TRIM2: variants seen among roughly 807,000 people sequenced by gnomAD.
The protein encoded by TRIM2 is tripartite motif containing 2, also known as tripartite motif-containing protein 2.
Under a neutral mutation model 75.2 loss-of-function variants are expected in TRIM2, and 20 were observed. The ratio of observed to expected loss-of-function variants is 0.27; its 90% CI spans 0.19 to 0.39. TRIM2 has a LOEUF of 0.39. TRIM2 is among the 10% of genes least tolerant of loss of function. The pLI, the probability that TRIM2 is intolerant of heterozygous loss-of-function variation, is 1.00. For synonymous variants in TRIM2, 373 were observed against 388.3 expected (o/e 0.96, Z 0.46); for missense variants, 660 against 990.8 (o/e 0.67, Z 4.48).
In TRIM2 at chr4:153,204,530, G is replaced by C. The variant is rs981178890; in HGVS notation, c.-1G>C. On this transcript the variant is annotated 5_prime_UTR_variant, in exon 1 of 12. Transcript: ENST00000338700. The stretch of plus-strand genomic sequence containing the variant: ...TTGGAGGAGGCTGGCTCTGGTCTTC[G>C]ATGCACAGGAGTGGCCGTTATGGAA... 1.3e-6 allele frequency: 2 copies of C among 1,551,722 alleles called. No homozygotes were observed. Among genetic ancestry groups the C allele is most frequent in the African/African-American group, 1.4e-5 (1 of 73,164 alleles).
intron 1 of TRIM2, among the ~76,000 whole-genome samples, chr4:153,223,396 A>G (rs992375992): frequency 2.0e-5 from 3 of 152,246 alleles, no homozygotes; most frequent in African/African-American, 7.2e-5. Flanking sequence ...AATTTTGAAA[A>G]GATCGGCTTC....
intron 2 of TRIM2, among the ~76,000 whole-genome samples, chr4:153,274,260 G>C (rs1397808067): frequency 6.6e-6 from 1 of 152,204 alleles, no homozygotes; most frequent in East Asian, 1.9e-4. Flanking sequence ...TTATATAGCA[G>C]GGCATGAAGA....
chr4:153,242,797 T>G (rs1560869474), intron 1 of TRIM2, among the ~76,000 whole-genome samples: 2 of 152,226 alleles, frequency 1.3e-5, no homozygotes. Flanking sequence ...GCCTGAGATC[T>G]GCGAATGGCT....
At chr4:153,272,226 G>T (rs1756874382) in intron 2 of TRIM2, among the ~76,000 whole-genome samples, 1 of 151,924 alleles carries the variant, frequency 6.6e-6, no homozygotes, top group South Asian at 2.1e-4. Context: ...TCAGCTCACT[G>T]CAAGCTCTGC....
At chr4:153,273,518 C>T (rs971343199) in intron 2 of TRIM2, among the ~76,000 whole-genome samples, 2 of 136,086 alleles carry the variant, frequency 1.5e-5, no homozygotes. Flanking sequence ...TGGTCTCGAT[C>T]TCCTGCCCTC....
intron 1 of TRIM2, among the ~76,000 whole-genome samples, chr4:153,267,830 A>G (rs1248978422): frequency 6.6e-6 from 1 of 150,900 alleles, no homozygotes; most frequent in Non-Finnish European, 1.5e-5. Flanking sequence ...CAACAGGTTC[A>G]CCTCGCCTGC....
chr4:153,294,956 T>C (rs1294460554), intron 5 of TRIM2, among the ~76,000 whole-genome samples: 1 of 152,170 alleles, frequency 6.6e-6, no homozygotes, highest in Non-Finnish European at 1.5e-5. Context: ...TAGGTGGTGA[T>C]GGACATGGGG....
intron 1 of TRIM2, among the ~76,000 whole-genome samples, chr4:153,237,498 G>A (rs975322333): frequency 2.6e-5 from 4 of 152,178 alleles, no homozygotes; most frequent in African/African-American, 7.2e-5. Context: ...GACCAACATA[G>A]TGAAACCCTG....
At chr4:153,237,384 T>TAAA (rs34545906) in intron 1 of TRIM2, among the ~76,000 whole-genome samples, 1 of 151,774 alleles carries the variant, frequency 6.6e-6, no homozygotes, top group Admixed American at 6.6e-5. Context: ...TGCATACTAA[T>TAAA]AAAAAGAGTC....
At chr4:153,191,957 A>G (rs563351550) in intron 1 of TRIM2, among the ~76,000 whole-genome samples, 1 of 152,294 alleles carries the variant, frequency 6.6e-6, no homozygotes, top group African/African-American at 2.4e-5. Flanking sequence ...TTGCATCCTC[A>G]GTTCCTAGCA....
intron 1 of TRIM2, among the ~76,000 whole-genome samples, chr4:153,161,380 C>G (rs1729721350): frequency 6.6e-6 from 1 of 152,210 alleles, no homozygotes; most frequent in Non-Finnish European, 1.5e-5. Context: ...TGATCCCATT[C>G]AGCCTTAACA....
intron 1 of TRIM2, among the ~76,000 whole-genome samples, chr4:153,206,388 A>G (rs1735441480): frequency 6.6e-6 from 1 of 152,214 alleles, no homozygotes; most frequent in African/African-American, 2.4e-5. Flanking sequence ...TTTTGTTAGC[A>G]TAGCTCACGG....
chr4:153,188,839 A>T (rs1463803612), intron 1 of TRIM2, among the ~76,000 whole-genome samples: 1 of 152,200 alleles, frequency 6.6e-6, no homozygotes, highest in Non-Finnish European at 1.5e-5. Context: ...GTTTTACATT[A>T]AAACATTTTA....
At chr4:153,202,690 C>T (rs1460647757), upstream of TRIM2, among the ~76,000 whole-genome samples, 3 of 134,914 alleles carry the variant, frequency 2.2e-5, no homozygotes, top group African/African-American at 9.0e-5. Flanking sequence ...CAGAGCGAGA[C>T]TCTGTCTCAA....
Position 153,295,461 on chromosome 4 carries a change from C to A in TRIM2, c.935C>A (p.Ala312Asp). 2 of 1,614,166 alleles carry A rather than the reference C, an allele frequency of 1.2e-6. No individual in the cohort carries two copies. The highest frequency in any genetic ancestry group is 1.7e-6 in the Non-Finnish European group (2 of 1,180,032). ...ATGAGCGAGAAGCTGAACGAGCTGG[C>A]CGACCAGGACTTCCCCTTGCACCCG... The part of the protein sequence containing the change: ...KQMSEKLNEL[A>D]DQDFPLHPRE... The change falls in exon 6 of 12, where the codon GCC (alanine) becomes GAC (aspartate). Residue 312 changes from alanine to aspartate, a missense_variant. Ala to Asp is a moderately radical substitution (Grantham distance 126, BLOSUM62 -2). Coordinates refer to ENST00000338700, the MANE Select transcript of TRIM2 (RefSeq NM_015271.5). The surrounding 1 kb of genome is among the most constrained non-coding windows in gnomAD (Gnocchi z 7.2).
intron 1 of TRIM2, among the ~76,000 whole-genome samples, chr4:153,197,225 A>G (rs2149671924): frequency 6.6e-6 from 1 of 152,366 alleles, no homozygotes; most frequent in South Asian, 2.1e-4. Flanking sequence ...GAATGAGTTT[A>G]GAACTTTTCA....
intron 1 of TRIM2, among the ~76,000 whole-genome samples, chr4:153,160,177 A>AT (rs1729611783): frequency 6.6e-6 from 1 of 152,094 alleles, no homozygotes; most frequent in Non-Finnish European, 1.5e-5. Flanking sequence ...TTCTCTGAAA[A>AT]TTTCCCCTGC....
At chr4:153,235,624 T>C (rs1375634823) in intron 1 of TRIM2, among the ~76,000 whole-genome samples, 1 of 152,178 alleles carries the variant, frequency 6.6e-6, no homozygotes, top group Non-Finnish European at 1.5e-5. Context: ...GTGTATAGAA[T>C]AGTACCCAGC....
intron 3 of TRIM2, among the ~76,000 whole-genome samples, chr4:153,286,725 C>T (rs1249883469): frequency 1.3e-5 from 2 of 151,752 alleles, no homozygotes; most frequent in Non-Finnish European, 2.9e-5. Flanking sequence ...CTCTCTTCTC[C>T]CACACCACCC....
Sources: gnomAD v4.1 joint callset for allele counts (sites outside exome capture counted in the v4.1 genomes callset) on GRCh38, gnomAD v4.1.1 for gene constraint, Gnocchi (gnomAD v3.1) non-coding constraint, MANE v1.5 for transcripts, NCBI Gene and HGNC (gene_info 2026-07-23, HGNC 2026-07-21) for gene names.